Variants in KCNIP4 observed in about 807,000 individuals in gnomAD.
KCNIP4 encodes the protein potassium voltage-gated channel interacting protein 4.
A neutral mutation model predicts 34.0 loss-of-function variants in KCNIP4; 12 were observed. The ratio of observed to expected loss-of-function variants is 0.35; its 90% CI spans 0.23 to 0.57. KCNIP4 has a LOEUF of 0.57. KCNIP4 is among the 20% of genes least tolerant of loss of function. The probability of loss-of-function intolerance (pLI) is 0.83; values close to 1 mark genes in which losing one functional copy is unlikely to be tolerated. For missense variants in KCNIP4, 238 were observed against 311.7 expected (o/e 0.76, Z 1.78); for synonymous variants, 124 against 102.2 (o/e 1.21, Z -1.29).
intron 1 of KCNIP4, among the ~76,000 whole-genome samples, chr4:21,167,735 CAGG>C (rs1184105869): frequency 1.3e-5 from 2 of 152,194 alleles, no homozygotes; most frequent in Admixed American, 6.5e-5. Context: ...AAATTATACC[CAGG>C]AGTACAGAAT....
chr4:21,688,918 AC>A (rs2109038860), intron 1 of KCNIP4, among the ~76,000 whole-genome samples: 1 of 151,950 alleles, frequency 6.6e-6, no homozygotes, highest in African/African-American at 2.4e-5. Flanking sequence ...CCGTTGCTTC[AC>A]CTACCTTGCC....
At chr4:21,868,343 T>C (rs766921763) in intron 1 of KCNIP4, among the ~76,000 whole-genome samples, 8 of 152,208 alleles carry the variant, frequency 5.3e-5, no homozygotes, top group Non-Finnish European at 1.0e-4. Context: ...TATGTGTATA[T>C]TGTACCCCAT....
intron 1 of KCNIP4, among the ~76,000 whole-genome samples, chr4:21,692,841 T>A (rs1466989847): frequency 6.7e-6 from 1 of 148,832 alleles, no homozygotes; most frequent in Non-Finnish European, 1.5e-5. Flanking sequence ...TTTTTTTTTT[T>A]TTTTTTTTTG....
Position 21,411,406 on chromosome 4 carries a change from C to A in KCNIP4, c.62-528697G>T, listed in dbSNP as rs76756992. Among the ~76,000 whole-genome samples, 871 of 152,254 alleles carry A rather than the reference C, an allele frequency of 5.7e-3. 6 individuals are homozygous for A. Among genetic ancestry groups the A allele is most frequent in the African/African-American group, 0.02 (844 of 41,542 alleles). ...AATGATGGAAAATCTACCCATGAAC[C>A]TTTGGCTGATGGTTCTCAACAATGT... On this transcript the variant is annotated intron_variant, in intron 1 of 8. Transcript: ENST00000382152.
chr4:21,087,508 G>A (rs1746578868), intron 1 of KCNIP4, among the ~76,000 whole-genome samples: 1 of 151,908 alleles, frequency 6.6e-6, no homozygotes, highest in Admixed American at 6.6e-5. Flanking sequence ...AGTTGGTCTG[G>A]AACTCCTGAC....
At chr4:21,245,596 T>G (rs1760137718) in intron 1 of KCNIP4, among the ~76,000 whole-genome samples, 1 of 152,026 alleles carries the variant, frequency 6.6e-6, no homozygotes, top group African/African-American at 2.4e-5. Flanking sequence ...GTGATACATT[T>G]TTAAGAGGGG....
At chr4:21,870,329 G>A (rs1398345843) in intron 1 of KCNIP4, among the ~76,000 whole-genome samples, 1 of 152,136 alleles carries the variant, frequency 6.6e-6, no homozygotes, top group African/African-American at 2.4e-5. Flanking sequence ...TGAAAGCCCA[G>A]GAAACTACTA....
chr4:21,909,722 G>A (rs987432658), intron 1 of KCNIP4, among the ~76,000 whole-genome samples: 2 of 152,062 alleles, frequency 1.3e-5, no homozygotes, highest in Non-Finnish European at 2.9e-5. Flanking sequence ...AGAAAAAGAG[G>A]TTTAATGAAT....
chr4:21,003,555 C>G (rs750458126), intron 1 of KCNIP4, among the ~76,000 whole-genome samples: 6 of 152,226 alleles, frequency 3.9e-5, no homozygotes, highest in Non-Finnish European at 7.4e-5. Flanking sequence ...AAAATAGAAA[C>G]TGGAGAGAAC....
intron 1 of KCNIP4, among the ~76,000 whole-genome samples, chr4:20,909,778 CATGG>C (rs746260202): frequency 2.0e-5 from 3 of 151,836 alleles, no homozygotes; most frequent in Non-Finnish European, 4.4e-5. Context: ...CATTTTTTTT[CATGG>C]ATGGGTGAAG....
At chr4:21,309,365 GT>G (rs1327625190) in intron 1 of KCNIP4, among the ~76,000 whole-genome samples, 1 of 150,812 alleles carries the variant, frequency 6.6e-6, no homozygotes, top group African/African-American at 2.5e-5. Context: ...ATATAAGCCA[GT>G]ATGAGTAATA....
intron 1 of KCNIP4, chr4:21,845,768 C>T (rs1168484068): frequency 6.6e-6 from 1 of 152,176 alleles, no homozygotes; most frequent in East Asian, 1.9e-4. Flanking sequence ...TAGACAGCTT[C>T]CCCAGTACAG....
In KCNIP4 at chr4:20,779,918, C is replaced by T. The variant is rs187378440; in HGVS notation, c.289-21028G>A. ...CCCTGCTAACACCTTGATTTTGGCTCAGTGATATTAATTTCAGACTTTCGA... is the reference window on the plus strand; with the variant it reads ...CCCTGCTAACACCTTGATTTTGGCTTAGTGATATTAATTTCAGACTTTCGA... On this transcript the variant is annotated intron_variant, in intron 3 of 8. Coordinates refer to ENST00000382152, the MANE Select transcript of KCNIP4 (RefSeq NM_025221.6). Among the ~76,000 whole-genome samples, 224 of 152,252 alleles carry T rather than the reference C, an allele frequency of 1.5e-3. 1 individual carries two copies. Among genetic ancestry groups the T allele is most frequent in the Admixed American group, 3.7e-3 (57 of 15,300 alleles).
rs142443931 is a variant in KCNIP4, at chr4:21,270,714, C to T, written c.62-388005G>A. On this transcript the variant is annotated intron_variant, in intron 1 of 8. Coordinates refer to ENST00000382152, the MANE Select transcript of KCNIP4 (RefSeq NM_025221.6). The stretch of plus-strand genomic sequence containing the variant: ...TTTAAGAATAGATTGTACCCAGGTG[C>T]GGTGGCTCACACCTGTAATCCCAGC... Among the ~76,000 whole-genome samples the T allele has an allele frequency of 2.2e-3, 336 of 152,080 alleles. 2 individuals are homozygous for T. The highest frequency in any genetic ancestry group is 0.017 in the Middle Eastern group (5 of 294).
intron 1 of KCNIP4, among the ~76,000 whole-genome samples, chr4:21,195,771 G>A (rs920035161): frequency 5.9e-5 from 9 of 151,982 alleles, no homozygotes; most frequent in Non-Finnish European, 4.4e-5. Context: ...CAACTAGAAC[G>A]CCTGGTTGCA....
intron 1 of KCNIP4, among the ~76,000 whole-genome samples, chr4:21,599,519 G>T (rs1260678414): frequency 1.3e-5 from 2 of 152,006 alleles, no homozygotes; most frequent in African/African-American, 4.8e-5. Context: ...ACTGTGTTAA[G>T]TACCATAAAT....
At chr4:21,054,973 GC>G (rs1743277154) in intron 1 of KCNIP4, among the ~76,000 whole-genome samples, 1 of 151,972 alleles carries the variant, frequency 6.6e-6, no homozygotes, top group Admixed American at 6.6e-5. Context: ...TTAAGAAAAT[GC>G]GAGACATCAT....
intron 3 of KCNIP4, among the ~76,000 whole-genome samples, chr4:20,773,283 A>G (rs1211642335): frequency 6.6e-6 from 1 of 152,176 alleles, no homozygotes; most frequent in Non-Finnish European, 1.5e-5. Flanking sequence ...ATACTTGAGA[A>G]GTTTCCACCC....
At chr4:20,799,893 A>G (rs186737364) in intron 3 of KCNIP4, among the ~76,000 whole-genome samples, 1 of 152,234 alleles carries the variant, frequency 6.6e-6, no homozygotes, top group Non-Finnish European at 1.5e-5. Context: ...CAGGGTCAGA[A>G]CATAGCTATA....
Sources: gnomAD v4.1 joint callset for allele counts (sites outside exome capture counted in the v4.1 genomes callset) on GRCh38, gnomAD v4.1.1 for gene constraint, MANE v1.5 for transcripts, NCBI Gene and HGNC (gene_info 2026-07-23, HGNC 2026-07-21) for gene names.